PIWIL2: variants seen among roughly 807,000 people sequenced by gnomAD.
PIWIL2 encodes piwi like RNA-mediated gene silencing 2, also known as piwi-like protein 2.
Under a neutral mutation model 116.5 loss-of-function variants are expected in PIWIL2, and 81 were observed. The ratio of observed to expected loss-of-function variants is 0.70; its 90% CI spans 0.58 to 0.84. The LOEUF (loss-of-function observed/expected upper bound fraction) is 0.84, where lower values mean the gene tolerates loss of function less well. Ranked by LOEUF, PIWIL2 falls within the 40% of genes least tolerant of loss-of-function variation. The pLI is 0.00. For synonymous variants in PIWIL2, 489 were observed against 429.5 expected, an observed-to-expected ratio of 1.14 and a Z score of -1.71; for missense variants, 1,272 against 1,212.3, an observed-to-expected ratio of 1.05 and a Z score of -0.73.
intron 20 of PIWIL2, among the ~76,000 whole-genome samples, chr8:22,320,360 C>T (rs1289931641): frequency 1.3e-5 from 2 of 150,922 alleles, no homozygotes; most frequent in Admixed American, 1.3e-4. Flanking sequence ...GTCTGCTTCC[C>T]GGATTCAAGC....
At chr8:22,286,571 G>C (rs1234102202) in intron 6 of PIWIL2, among the ~76,000 whole-genome samples, 1 of 152,134 alleles carries the variant, frequency 6.6e-6, no homozygotes, top group African/African-American at 2.4e-5. Context: ...AGGGAGAGTT[G>C]CTTGAGGCTA....
At chr8:22,326,648 T>C (rs1410926052) in intron 20 of PIWIL2, among the ~76,000 whole-genome samples, 1 of 152,258 alleles carries the variant, frequency 6.6e-6, no homozygotes, top group Non-Finnish European at 1.5e-5. Flanking sequence ...TCAAGGTTTA[T>C]CTGTGTTGTA....
chr8:22,350,183 C>T (rs1482852542), intron 20 of PIWIL2, among the ~76,000 whole-genome samples: 1 of 152,124 alleles, frequency 6.6e-6, no homozygotes, highest in Non-Finnish European at 1.5e-5. Flanking sequence ...TTGGGTTGGG[C>T]TAGGGCACGT....
At chr8:22,354,009 C>G (rs1227506775) in intron 21 of PIWIL2, among the ~76,000 whole-genome samples, 2 of 152,006 alleles carry the variant, frequency 1.3e-5, no homozygotes, top group African/African-American at 4.8e-5. Flanking sequence ...CTCCTGGGCT[C>G]AAGCAATCTG....
intron 6 of PIWIL2, among the ~76,000 whole-genome samples, chr8:22,286,357 G>T (rs902774241): frequency 3.9e-5 from 6 of 152,244 alleles, no homozygotes; most frequent in Non-Finnish European, 8.8e-5. Context: ...CAACAGGATT[G>T]CTGTAATAGT....
chr8:22,355,479 C>G lies in PIWIL2; in HGVS notation c.2896C>G (p.Leu966Val), dbSNP rs1832468841. ...HILHHEPAIQLCENLFFL is the reference protein window; with the variant it reads ...HILHHEPAIQVCENLFFL Reference sequence around the variant, plus strand: ...CTTGCATCATGAACCAGCCATCCAGCTGTGCGAGAACCTGTTCTTCCTGTG... The same window carrying G: ...CTTGCATCATGAACCAGCCATCCAGGTGTGCGAGAACCTGTTCTTCCTGTG... Residue 966 changes from leucine (L) to valine (V), a missense_variant, in exon 23 of 23, where the codon CTG becomes GTG. Leu to Val is a conservative substitution (Grantham distance 32). Coordinates refer to ENST00000356766, the MANE Select transcript of PIWIL2 (RefSeq NM_018068.5). The G allele has an allele frequency of 6.2e-7, 1 of 1,614,054 alleles. No homozygotes were observed. The highest frequency in any genetic ancestry group is 8.5e-7 in the Non-Finnish European group (1 of 1,180,034).
At chr8:22,286,374 G>A (rs1830628916) in intron 6 of PIWIL2, among the ~76,000 whole-genome samples, 1 of 152,246 alleles carries the variant, frequency 6.6e-6, no homozygotes, top group African/African-American at 2.4e-5. Flanking sequence ...TAGTTTCTAT[G>A]AGGTAAGAAA....
At position 22,279,423 on chromosome 8, in the gene PIWIL2, C is replaced by T; in HGVS notation, c.37C>T (p.Pro13Ser). 1.2e-6 allele frequency: 2 copies of T among 1,614,168 alleles called. No homozygotes were observed. The highest frequency in any genetic ancestry group is 1.1e-5 in the South Asian group (1 of 91,080). ...CCGACCATCGTTCAGGGGCCAGTCT[C>T]CTATCCACCCATCCCAGTGCCAGGC... ...PFRPSFRGQSPIHPSQCQAVR... is the reference protein window; with the variant it reads ...PFRPSFRGQSSIHPSQCQAVR... The change falls in exon 2 of 23, where the codon CCT becomes TCT. Residue 13 changes from proline to serine, a missense_variant. Physicochemically the swap from Pro to Ser is moderately conservative, Grantham distance 74. Transcript: ENST00000356766.
At chr8:22,340,877 A>G (rs1014556467) in intron 20 of PIWIL2, among the ~76,000 whole-genome samples, 2 of 152,002 alleles carry the variant, frequency 1.3e-5, no homozygotes, top group Non-Finnish European at 2.9e-5. Context: ...ATTTCTGGCT[A>G]ATTTTTTAAT....
intron 20 of PIWIL2, among the ~76,000 whole-genome samples, chr8:22,342,363 C>G (rs983932459): frequency 3.3e-5 from 5 of 152,138 alleles, no homozygotes; most frequent in African/African-American, 1.2e-4. Flanking sequence ...CTGATACTGC[C>G]TAGCTCAAAG....
Position 22,355,581 on chromosome 8 carries a change from G to C in PIWIL2, c.*76G>C. ...AGCTGTGACTCTTGCAGAATCAACA[G>C]AGACTGAAGTGGGCTTTTGTGTTAT... On this transcript the variant is annotated 3_prime_UTR_variant, in exon 23 of 23. Coordinates refer to ENST00000356766, the MANE Select transcript of PIWIL2 (RefSeq NM_018068.5). The C allele has an allele frequency of 7.6e-7, 1 of 1,320,182 alleles. No individual in the cohort carries two copies. Among genetic ancestry groups the C allele is most frequent in the Non-Finnish European group, 1.1e-6 (1 of 936,294 alleles). The allele number at this position is 1,320,182 out of a possible 1,614,324, so 81.8% of individuals were successfully genotyped here. A position where few individuals can be genotyped will look rare whatever the true frequency, so the allele number is the denominator to read the frequency against.
chr8:22,339,654 T>C (rs955663692), intron 20 of PIWIL2, among the ~76,000 whole-genome samples: 2 of 152,188 alleles, frequency 1.3e-5, no homozygotes, highest in African/African-American at 4.8e-5. Context: ...TTAAAACCTT[T>C]TGTGCTTCAA....
chr8:22,346,679 A>G (rs895837208), intron 20 of PIWIL2, among the ~76,000 whole-genome samples: 1 of 152,208 alleles, frequency 6.6e-6, no homozygotes, highest in Non-Finnish European at 1.5e-5. Flanking sequence ...AAGAGTTTTT[A>G]TTTATATGGA....
chr8:22,331,682 A>G (rs1586586181), intron 20 of PIWIL2, among the ~76,000 whole-genome samples: 4 of 152,128 alleles, frequency 2.6e-5, no homozygotes, highest in Admixed American at 2.6e-4. Flanking sequence ...GGCTTACACA[A>G]CAGAAATTTA....
chr8:22,286,961 TA>T (rs1441979775), intron 6 of PIWIL2, among the ~76,000 whole-genome samples: 7 of 151,706 alleles, frequency 4.6e-5, no homozygotes, highest in Non-Finnish European at 7.4e-5. Flanking sequence ...GTGGTACCCT[TA>T]TAGTCCCAGT....
chr8:22,293,901 A>C (rs1301306725), intron 10 of PIWIL2, among the ~76,000 whole-genome samples: 4 of 152,208 alleles, frequency 2.6e-5, no homozygotes, highest in African/African-American at 9.6e-5. Flanking sequence ...AATGTCACCC[A>C]CATACTCTTT....
chr8:22,314,831 A>ATG lies in PIWIL2; in HGVS notation c.2092-182_2092-181dup, dbSNP rs536104435. Among the ~76,000 whole-genome samples the ATG allele has an allele frequency of 7.0e-3, 1,050 of 150,796 alleles. 5 individuals carry two copies. Among genetic ancestry groups the ATG allele is most frequent in the African/African-American group, 0.022 (925 of 41,130 alleles). On this transcript the variant is annotated intron_variant, in intron 17 of 22. Coordinates refer to ENST00000356766, the MANE Select transcript of PIWIL2 (RefSeq NM_018068.5). ...TGTTTTGGGTTTGTGGTGTGTGTGT[A>ATG]TGTGTGTGTGTGTGTGTTGTATTTT...
intron 20 of PIWIL2, among the ~76,000 whole-genome samples, chr8:22,345,300 C>T (rs13260498): frequency 0.44 from 62,738 of 142,162 alleles, 15,493 homozygotes; most frequent in East Asian, 0.81. Context: ...ATTGAAAACA[C>T]AAGTCCACAC....
At chr8:22,284,071 C>A (rs1476787061) in intron 5 of PIWIL2, 91 bp from the exon 6 acceptor site, 10 of 627,832 alleles carry the variant, frequency 1.6e-5, no homozygotes, top group Non-Finnish European at 2.7e-5. Flanking sequence ...TTACTTCCCC[C>A]AATCTTCTTG....
Sources: gnomAD v4.1 joint callset for allele counts (sites outside exome capture counted in the v4.1 genomes callset) on GRCh38, gnomAD v4.1.1 for gene constraint, MANE v1.5 for transcripts, NCBI Gene and HGNC (gene_info 2026-07-23, HGNC 2026-07-21) for gene names.